The following TMEM121 variants were observed in gnomAD, a reference collection of about 807,000 sequenced individuals.
TMEM121 encodes the protein transmembrane protein 121, also known as transmembrane protein 121A.
In TMEM121, 8 loss-of-function variants were observed where a neutral mutation model predicts 16.4. The ratio of observed to expected loss-of-function variants is 0.49; its 90% CI spans 0.29 to 0.88. The LOEUF (loss-of-function observed/expected upper bound fraction) is 0.88. Ranked by LOEUF, TMEM121 falls within the 40% of genes least tolerant of loss-of-function variation. TMEM121 has a pLI of 0.09. For synonymous variants in TMEM121, 235 were observed against 226.2 expected, an observed-to-expected ratio of 1.04 and a Z score of -0.35; for missense variants, 401 against 462.0, an observed-to-expected ratio of 0.87 and a Z score of 1.21.
rs1392678807 is a variant in TMEM121 at position 105,526,896 on chromosome 14, G to T, written c.-114+243G>T. ...CGGCCCAAGCTCTGCACCGGCCCGC[G>T]GCGGGAGCACAGCAGCCCCCTCCCG... On this transcript the variant is annotated intron_variant, in intron 1 of 1. Transcript: ENST00000392519. The surrounding 1 kb of genome is among the most constrained non-coding windows in gnomAD (Gnocchi z 6.8). Among the ~76,000 whole-genome samples, 2 of 152,036 alleles carry T rather than the reference G, an allele frequency of 1.3e-5. No individual in the cohort carries two copies. Among genetic ancestry groups the T allele is most frequent in the African/African-American group, 4.8e-5 (2 of 41,396 alleles).
Position 105,530,040 on chromosome 14 carries a change from A to G in TMEM121, c.*246A>G. 3 of 464,518 alleles carry G rather than the reference A, an allele frequency of 6.5e-6. No individual in the cohort carries two copies. The East Asian group carries it at 1.1e-4, about 17-fold the overall frequency. The allele number at this position is 464,518 out of a possible 1,614,324, so 28.8% of individuals were successfully genotyped here. On this transcript the variant is annotated 3_prime_UTR_variant, in exon 2 of 2. Coordinates refer to ENST00000392519, the MANE Select transcript of TMEM121 (RefSeq NM_025268.4). Reference sequence around the variant, plus strand: ...GTTTGGGAGGCCTGGGCCGGAGCAGAGCAGAGGTGATCCGGCCCCTGCCTG... The same window carrying G: ...GTTTGGGAGGCCTGGGCCGGAGCAGGGCAGAGGTGATCCGGCCCCTGCCTG...
chr14:105,527,553 C>T (rs2084598618), intron 1 of TMEM121: 1 of 151,838 alleles, frequency 6.6e-6, no homozygotes, highest in Admixed American at 6.6e-5. Flanking sequence ...GTGGGGGTGT[C>T]CTGTGTGTGG....
Position 105,528,706 on chromosome 14 carries a change from C to T in TMEM121, c.-113-16C>T. ...TCCAGCCCGCACCCTGATCTTGTCTCCTCCGGTCTCCCCAGGTTTCGAGCT... is the reference window on the plus strand; with the variant it reads ...TCCAGCCCGCACCCTGATCTTGTCTTCTCCGGTCTCCCCAGGTTTCGAGCT... On this transcript the variant is annotated splice_polypyrimidine_tract_variant and intron_variant, in intron 1 of 1. Transcript: ENST00000392519. The T allele has an allele frequency of 1.1e-6, 1 of 930,282 alleles. No individual in the cohort carries two copies. The highest frequency in any genetic ancestry group is 5.3e-5 in the South Asian group (1 of 19,012). 57.6% of individuals were successfully genotyped at this position (930,282 alleles called of 1,614,324 possible). A position where few individuals can be genotyped will look rare whatever the true frequency, so the allele number is the denominator to read the frequency against.
At chr14:105,527,595 G>A (rs2084599107) in intron 1 of TMEM121, among the ~76,000 whole-genome samples, 1 of 152,052 alleles carries the variant, frequency 6.6e-6, no homozygotes, top group Admixed American at 6.5e-5. Context: ...GGTGCTGGGT[G>A]GGGGCAGGGG....
In TMEM121 at chr14:105,529,455, G is replaced by A; in HGVS notation, c.621G>A (p.Glu207=). The change falls in exon 2 of 2, where the codon GAG becomes GAA. Residue 207 remains glutamate (E), a synonymous_variant. Coordinates refer to ENST00000392519, the MANE Select transcript of TMEM121 (RefSeq NM_025268.4). ...VALSEVSMQG[E]HIAPQKMMLY... is the part of the protein sequence containing the mutation. ...TCAGCGAGGTCAGCATGCAGGGCGA[G>A]CACATAGCGCCGCAGAAGATGATGC... 6.5e-7 allele frequency: 1 copy of A among 1,546,382 alleles called. No individual in the cohort carries two copies.
In TMEM121 at chr14:105,529,543, A is replaced by G. The variant is rs964639843; in HGVS notation, c.709A>G (p.Met237Val). 1 of 1,544,876 alleles carries G rather than the reference A, an allele frequency of 6.5e-7. No homozygotes were observed. Among genetic ancestry groups the G allele is most frequent in the East Asian group, 2.4e-5 (1 of 41,154 alleles). ...VVAVLARAAN[M>V]ALFRDSRVSA... ...GGCCGTGCTGGCGCGCGCCGCCAAC[A>G]TGGCGCTGTTCCGGGACAGCCGTGT... Residue 237 changes from methionine (M) to valine (V), a missense_variant, in exon 2 of 2, where the codon ATG (methionine) becomes GTG (valine). Coordinates refer to ENST00000392519, the MANE Select transcript of TMEM121 (RefSeq NM_025268.4).
At position 105,526,806 on chromosome 14, in the gene TMEM121, G is replaced by A. The variant is rs587608457; in HGVS notation, c.-114+153G>A. On this transcript the variant is annotated intron_variant, in intron 1 of 1. Transcript: ENST00000392519. This position sits in a 1 kb window ranked among gnomAD's most constrained non-coding sequence, Gnocchi z 6.8. ...GGGTGAGGCCTGGGGCCGGCGGGGT[G>A]ACGGGGACCCGGCCCTGCGTGGGGA... 2.1e-4 allele frequency among the ~76,000 whole-genome samples: 31 copies of A among 150,994 alleles called. No individual in the cohort carries two copies. The South Asian group carries it at 6.3e-3, about 31-fold the overall frequency.
intron 1 of TMEM121, among the ~76,000 whole-genome samples, chr14:105,528,432 C>T (rs2084606445): frequency 6.6e-6 from 1 of 152,248 alleles, no homozygotes; most frequent in Non-Finnish European, 1.5e-5. Flanking sequence ...AGTGACAAAC[C>T]CCCCCGGGCT....
rs1308738634 is a variant in TMEM121 at position 105,529,696 on chromosome 14, C to T, written c.862C>T (p.Pro288Ser). 2 of 1,542,224 alleles carry T rather than the reference C, an allele frequency of 1.3e-6. No individual in the cohort carries two copies. Residue 288 changes from proline to serine, a missense_variant, in exon 2 of 2, where the codon CCG (proline) becomes TCG (serine). Transcript: ENST00000392519. ...ATCACTGGAGCTGCAGCCGCCACCCCCGCAGCGCAACTCGGTGCCGCCGCC... is the reference window on the plus strand; with the variant it reads ...ATCACTGGAGCTGCAGCCGCCACCCTCGCAGCGCAACTCGGTGCCGCCGCC... ...ALSLELQPPPPQRNSVPPPPP... is the reference protein window; with the variant it reads ...ALSLELQPPPSQRNSVPPPPP...
Position 105,528,748 on chromosome 14 carries a change from G to T in TMEM121, c.-87G>T. 1 of 1,155,816 alleles carries T rather than the reference G, an allele frequency of 8.7e-7. No homozygotes were observed. Among genetic ancestry groups the T allele is most frequent in the South Asian group, 4.2e-5 (1 of 23,748 alleles). The allele number at this position is 1,155,816 out of a possible 1,614,324, so 71.6% of individuals were successfully genotyped here. On this transcript the variant is annotated 5_prime_UTR_variant, in exon 2 of 2. Coordinates refer to ENST00000392519, the MANE Select transcript of TMEM121 (RefSeq NM_025268.4). ...TTTCGAGCTCGCCGGGCCGTGTCGC[G>T]CCATGCCCGCTGGCTGAGCGCCGCA...
chr14:105,529,333 C>T lies in TMEM121; in HGVS notation c.499C>T (p.Leu167=). Residue 167 remains leucine, a synonymous_variant, in exon 2 of 2, where the codon CTG becomes TTG. Coordinates refer to ENST00000392519, the MANE Select transcript of TMEM121 (RefSeq NM_025268.4). ...GGACCTGCTGGACATGCAGGCCAGC[C>T]TGTGGGAGCCGCCGCGCTCCGGGCT... ...LLDLLDMQAS[L]WEPPRSGLPL... 1.3e-6 allele frequency: 2 copies of T among 1,538,866 alleles called. No homozygotes were observed. Among genetic ancestry groups the T allele is most frequent in the South Asian group, 2.4e-5 (2 of 83,940 alleles).
In TMEM121 at chr14:105,529,761, G is replaced by A. The variant is rs1367547209; in HGVS notation, c.927G>A (p.Met309Ile). 1.3e-5 allele frequency: 20 copies of A among 1,492,190 alleles called. No individual in the cohort carries two copies. The highest frequency in any genetic ancestry group is 1.7e-5 in the Non-Finnish European group (19 of 1,130,958). The allele number at this position is 1,492,190 out of a possible 1,614,324, so 92.4% of individuals were successfully genotyped here. ...ACGGCCCGCCTGGGCGCCCCCACAT[G>A]TCCTCGCCCACGCGTGACCCCCTGG... ...PLHGPPGRPH[M>I]SSPTRDPLDT is the part of the protein sequence containing the mutation. Residue 309 changes from methionine to isoleucine, a missense_variant, in exon 2 of 2, where the codon ATG (methionine) becomes ATA (isoleucine). By Grantham distance (10) the Met-to-Ile change is conservative. Coordinates refer to ENST00000392519, the MANE Select transcript of TMEM121 (RefSeq NM_025268.4).
chr14:105,527,493 G>A, intron 1 of TMEM121: 1 of 152,310 alleles, frequency 6.6e-6, no homozygotes, highest in Non-Finnish European at 1.5e-5. Context: ...AGGGGCATGG[G>A]CTGAGGACCC....
chr14:105,528,745 C>A lies in TMEM121; in HGVS notation c.-90C>A. Reference sequence around the variant, plus strand: ...AGGTTTCGAGCTCGCCGGGCCGTGTCGCGCCATGCCCGCTGGCTGAGCGCC... The same window carrying A: ...AGGTTTCGAGCTCGCCGGGCCGTGTAGCGCCATGCCCGCTGGCTGAGCGCC... On this transcript the variant is annotated 5_prime_UTR_variant, in exon 2 of 2. Transcript: ENST00000392519. 1 of 1,145,368 alleles carries A rather than the reference C, an allele frequency of 8.7e-7. No homozygotes were observed. The highest frequency in any genetic ancestry group is 4.3e-5 in the South Asian group (1 of 23,430). 71.0% of individuals were successfully genotyped at this position (1,145,368 alleles called of 1,614,324 possible). A position where few individuals can be genotyped will look rare whatever the true frequency, so the allele number is the denominator to read the frequency against.
Position 105,526,797 on chromosome 14 carries a change from C to G in TMEM121, c.-114+144C>G, listed in dbSNP as rs1407638072. 2.2e-5 allele frequency: 3 copies of G among 138,160 alleles called. No individual in the cohort carries two copies. The highest frequency in any genetic ancestry group is 2.7e-5 in the African/African-American group (1 of 36,470). The allele number at this position is 138,160 out of a possible 1,614,324, so 8.6% of individuals were successfully genotyped here. A position where few individuals can be genotyped will look rare whatever the true frequency, so the allele number is the denominator to read the frequency against. Reference sequence around the variant, plus strand: ...ATGCGGCAGGGGTGAGGCCTGGGGCCGGCGGGGTGACGGGGACCCGGCCCT... The same window carrying G: ...ATGCGGCAGGGGTGAGGCCTGGGGCGGGCGGGGTGACGGGGACCCGGCCCT... On this transcript the variant is annotated intron_variant, in intron 1 of 1. Coordinates refer to ENST00000392519, the MANE Select transcript of TMEM121 (RefSeq NM_025268.4). This position sits in a 1 kb window ranked among gnomAD's most constrained non-coding sequence, Gnocchi z 6.8.
Position 105,529,583 on chromosome 14 carries a change from T to C in TMEM121, c.749T>C (p.Val250Ala). ...GACAGCCGTGTCTCGGCCATCTTCG[T>C]CGGCAAAAACGTGGTGGCGCTCGCC... ...FRDSRVSAIF[V>A]GKNVVALATK... is the part of the protein sequence containing the mutation. Residue 250 changes from valine (V) to alanine (A), a missense_variant, in exon 2 of 2, where the codon GTC (valine) becomes GCC (alanine). Physicochemically the swap from Val to Ala is moderately conservative, Grantham distance 64. Coordinates refer to ENST00000392519, the MANE Select transcript of TMEM121 (RefSeq NM_025268.4). 4.5e-6 allele frequency: 7 copies of C among 1,565,706 alleles called. No homozygotes were observed. The highest frequency in any genetic ancestry group is 6.0e-6 in the Non-Finnish European group (7 of 1,163,070).
In TMEM121 at chr14:105,526,633, G is replaced by A. The variant is rs1555443826; in HGVS notation, c.-134G>A. 1 of 147,360 alleles carries A rather than the reference G, an allele frequency of 6.8e-6. No individual in the cohort carries two copies. Among genetic ancestry groups the A allele is most frequent in the Non-Finnish European group, 1.5e-5 (1 of 65,928 alleles). The allele number at this position is 147,360 out of a possible 1,614,324, so 9.1% of individuals were successfully genotyped here. A position where few individuals can be genotyped will look rare whatever the true frequency, so the allele number is the denominator to read the frequency against. On this transcript the variant is annotated 5_prime_UTR_variant, in exon 1 of 2. Coordinates refer to ENST00000392519, the MANE Select transcript of TMEM121 (RefSeq NM_025268.4). This position sits in a 1 kb window ranked among gnomAD's most constrained non-coding sequence, Gnocchi z 6.8. Reference sequence around the variant, plus strand: ...CTGGGCGGGCGGGCCCGGGAGCGGCGCAGCATCTGCGGGCGGCGGGGTAGG... The same window carrying A: ...CTGGGCGGGCGGGCCCGGGAGCGGCACAGCATCTGCGGGCGGCGGGGTAGG...
Position 105,529,948 on chromosome 14 carries a change from C to A in TMEM121, c.*154C>A. 1 of 720,228 alleles carries A rather than the reference C, an allele frequency of 1.4e-6. No individual in the cohort carries two copies. Among genetic ancestry groups the A allele is most frequent in the Non-Finnish European group, 2.1e-6 (1 of 475,290 alleles). The allele number at this position is 720,228 out of a possible 1,614,324, so 44.6% of individuals were successfully genotyped here. On this transcript the variant is annotated 3_prime_UTR_variant, in exon 2 of 2. Transcript: ENST00000392519. ...TGGGGTCCCGCGGCCGCTTCTTCAT[C>A]TCAGGAATCTCTCGGACCGCGGATC...
At position 105,529,915 on chromosome 14, in the gene TMEM121, C is replaced by A; in HGVS notation, c.*121C>A. On this transcript the variant is annotated 3_prime_UTR_variant, in exon 2 of 2. Coordinates refer to ENST00000392519, the MANE Select transcript of TMEM121 (RefSeq NM_025268.4). Reference sequence around the variant, plus strand: ...CCCCTAGGGACAGGTGCCTCGAGTGCCCGTGCCTGGGGTCCCGCGGCCGCT... The same window carrying A: ...CCCCTAGGGACAGGTGCCTCGAGTGACCGTGCCTGGGGTCCCGCGGCCGCT... The A allele has an allele frequency of 9.7e-7, 1 of 1,027,372 alleles. No individual in the cohort carries two copies. The highest frequency in any genetic ancestry group is 1.3e-6 in the Non-Finnish European group (1 of 756,480). 63.6% of individuals were successfully genotyped at this position (1,027,372 alleles called of 1,614,324 possible). A position where few individuals can be genotyped will look rare whatever the true frequency, so the allele number is the denominator to read the frequency against.
Sources: allele counts gnomAD v4.1 joint callset (sites outside exome capture counted in the v4.1 genomes callset), GRCh38; gene constraint gnomAD v4.1.1; non-coding constraint Gnocchi (gnomAD v3.1); transcripts MANE v1.5; gene names NCBI Gene and HGNC (gene_info 2026-07-23, HGNC 2026-07-21).